The following CA7 variants were observed in gnomAD, a reference collection of about 807,000 sequenced individuals.
The protein encoded by CA7 is carbonate dehydratase VII.
A neutral mutation model predicts 31.4 loss-of-function variants in CA7; 13 were observed. That is an observed-to-expected ratio of 0.41 (90% CI 0.27 to 0.66). The LOEUF (loss-of-function observed/expected upper bound fraction) is 0.66. Among genes scored for constraint, CA7 ranks in the 30% least tolerant of loss-of-function variants. The probability of loss-of-function intolerance (pLI) is 0.28; values close to 1 mark genes in which losing one functional copy is unlikely to be tolerated. For missense variants in CA7, 215 were observed against 351.0 expected (o/e 0.61, Z 3.10); for synonymous variants, 128 against 133.2 (o/e 0.96, Z 0.27).
chr16:66,849,529 G>A (rs1336238486), intron 2 of CA7, among the ~76,000 whole-genome samples: 1 of 152,136 alleles, frequency 6.6e-6, no homozygotes, highest in African/African-American at 2.4e-5. Context: ...TGTAGAATAT[G>A]GATAATAATA....
rs555286938 is a variant in CA7 at position 66,844,479 on chromosome 16, G to A, written c.-9G>A. The A allele has an allele frequency of 1.3e-6, 2 of 1,540,350 alleles. No individual in the cohort carries two copies. The highest frequency in any genetic ancestry group is 2.5e-5 in the East Asian group (1 of 39,842). On this transcript the variant is annotated 5_prime_UTR_variant, in exon 1 of 7. Coordinates refer to ENST00000338437, the MANE Select transcript of CA7 (RefSeq NM_005182.3). ...CGGGCAGGTGCACGGCTGCGGGGAC[G>A]GCAGCGGCATGACCGGCCACCACGG...
At chr16:66,849,438 C>T (rs1960993228) in intron 2 of CA7, among the ~76,000 whole-genome samples, 1 of 152,176 alleles carries the variant, frequency 6.6e-6, no homozygotes, top group Admixed American at 6.5e-5. Flanking sequence ...ATAAGAGATA[C>T]TAGTTCATAC....
intron 2 of CA7, among the ~76,000 whole-genome samples, chr16:66,848,569 C>T (rs940293542): frequency 5.9e-5 from 9 of 151,666 alleles, no homozygotes; most frequent in African/African-American, 1.7e-4. Flanking sequence ...ATGCCCAGGC[C>T]GGAGGGCGCA....
At chr16:66,849,771 C>T (rs911853735) in intron 2 of CA7, among the ~76,000 whole-genome samples, 1 of 152,172 alleles carries the variant, frequency 6.6e-6, no homozygotes, top group Non-Finnish European at 1.5e-5. Context: ...GTCAGGATTT[C>T]TGCCCTGGCC....
chr16:66,844,583 C>G, intron 1 of CA7, 56 bp downstream of exon 1: 1 of 1,419,352 alleles, frequency 7.0e-7, no homozygotes, highest in Non-Finnish European at 9.6e-7. Flanking sequence ...CAACTGCACT[C>G]GCCCCAACCC....
intron 5 of CA7, among the ~76,000 whole-genome samples, chr16:66,852,278 C>A (rs1961072419): frequency 6.6e-6 from 1 of 152,030 alleles, no homozygotes; most frequent in Non-Finnish European, 1.5e-5. Context: ...GCCTGGCTAA[C>A]ATGGTGAAAC....
intron 2 of CA7, among the ~76,000 whole-genome samples, chr16:66,848,271 G>A (rs1244266044): frequency 6.6e-6 from 1 of 152,184 alleles, no homozygotes; most frequent in East Asian, 1.9e-4. Context: ...TCAGGAGAGA[G>A]ACAAAGCATT....
chr16:66,849,605 C>T (rs1367170930), intron 2 of CA7, among the ~76,000 whole-genome samples: 1 of 152,222 alleles, frequency 6.6e-6, no homozygotes, highest in Admixed American at 6.5e-5. Context: ...AGCCCTGGAT[C>T]AGGGTTTCAG....
At chr16:66,845,286 G>A (rs1478798467) in intron 1 of CA7, 5 of 966,382 alleles carry the variant, frequency 5.2e-6, no homozygotes, top group Non-Finnish European at 6.2e-6. Flanking sequence ...TTCCCTTTGG[G>A]GCCATTTCTT....
At chr16:66,851,437 A>G in intron 3 of CA7, 26 bp from the exon 4 acceptor site, 1 of 1,597,152 alleles carries the variant, frequency 6.3e-7, no homozygotes, top group Non-Finnish European at 8.6e-7. Context: ...GGAGGCACGA[A>G]GCATTGGCCT....
chr16:66,852,723 C>A lies in CA7; in HGVS notation c.528C>A (p.Ala176=). Residue 176 remains alanine (A), a synonymous_variant, in exon 6 of 7, where the codon GCC becomes GCA. Transcript: ENST00000338437. ...CCACCTTGTTCCAGGGCACCAAAGC[C>A]CAGTTCAGCTGCTTCAACCCCAAGT... ...LYMVRFKGTK[A]QFSCFNPKCL... The A allele has an allele frequency of 1.9e-6, 3 of 1,613,138 alleles. No individual in the cohort carries two copies. Among genetic ancestry groups the A allele is most frequent in the South Asian group, 1.1e-5 (1 of 90,958 alleles).
chr16:66,853,142 T>C lies in CA7; in HGVS notation c.673-234T>C, dbSNP rs1374263587. On this transcript the variant is annotated intron_variant, in intron 6 of 6. Coordinates refer to ENST00000338437, the MANE Select transcript of CA7 (RefSeq NM_005182.3). This position sits in a 1 kb window ranked among gnomAD's most constrained non-coding sequence, Gnocchi z 4.5. ...GAATGCTACATTTGCTGATAAGTCT[T>C]AGCTAGATGGGCTTGGAACTAGAAC... Among the ~76,000 whole-genome samples, 3 of 150,482 alleles carry C rather than the reference T, an allele frequency of 2.0e-5. No individual in the cohort carries two copies. The highest frequency in any genetic ancestry group is 2.0e-4 in the Admixed American group (3 of 15,208).
At chr16:66,852,619 GAAAA>G in intron 5 of CA7, 89 bp from the exon 6 acceptor site, 2 of 840,642 alleles carry the variant, frequency 2.4e-6, no homozygotes, top group Non-Finnish European at 1.7e-6. Flanking sequence ...AAAAAGAAAA[GAAAA>G]AAGAAAGAAA....
At chr16:66,852,632 A>G (rs1468584662) in intron 5 of CA7, 80 bp from the exon 6 acceptor site, 3 of 945,184 alleles carry the variant, frequency 3.2e-6, no homozygotes, top group Admixed American at 3.0e-5. Context: ...AAAAGAAAGA[A>G]AGAGATGGGT....
intron 2 of CA7, among the ~76,000 whole-genome samples, chr16:66,847,963 C>A (rs36685): frequency 6.6e-6 from 1 of 151,886 alleles, no homozygotes; most frequent in Non-Finnish European, 1.5e-5. Flanking sequence ...CTGGGCCTTA[C>A]GACTGGGTAG....
intron 1 of CA7, among the ~76,000 whole-genome samples, chr16:66,846,733 C>T (rs949898441): frequency 6.6e-6 from 1 of 152,174 alleles, no homozygotes; most frequent in African/African-American, 2.4e-5. Context: ...GTTGGGGAGA[C>T]TTATTACTCT....
At chr16:66,852,498 G>A (rs1961077951) in intron 5 of CA7, among the ~76,000 whole-genome samples, 4 of 139,288 alleles carry the variant, frequency 2.9e-5, no homozygotes, top group South Asian at 2.2e-4. Context: ...GAAAGAAAGA[G>A]AGAGAGAGGG....
At chr16:66,852,223 G>A (rs1390606647) in intron 5 of CA7, among the ~76,000 whole-genome samples, 1 of 152,180 alleles carries the variant, frequency 6.6e-6, no homozygotes, top group African/African-American at 2.4e-5. Context: ...AGCACTTTGG[G>A]AGGCCGAGGC....
At chr16:66,845,175 G>C (rs1960901834) in intron 1 of CA7, 2 of 985,620 alleles carry the variant, frequency 2.0e-6, no homozygotes, top group Non-Finnish European at 2.4e-6. Context: ...ACGCGGAAGA[G>C]AGCTCCTTCA....
Sources: allele counts gnomAD v4.1 joint callset (sites outside exome capture counted in the v4.1 genomes callset), GRCh38; gene constraint gnomAD v4.1.1; non-coding constraint Gnocchi (gnomAD v3.1); transcripts MANE v1.5; gene names NCBI Gene and HGNC (gene_info 2026-07-23, HGNC 2026-07-21).